Variants in MYCBP observed in about 807,000 individuals in gnomAD.
The protein encoded by MYCBP is C-Myc-binding protein.
MYCBP carries 5 observed loss-of-function variants against 16.8 expected under a neutral mutation model. The observed-to-expected ratio is 0.30, with a 90% CI of 0.16 to 0.63. The LOEUF (loss-of-function observed/expected upper bound fraction) is 0.63, where lower values mean the gene tolerates loss of function less well. Among genes scored for constraint, MYCBP ranks in the 20% least tolerant of loss-of-function variants. The probability of loss-of-function intolerance (pLI) is 0.83; values close to 1 mark genes in which losing one functional copy is unlikely to be tolerated. For missense variants in MYCBP, 103 were observed against 121.8 expected, an observed-to-expected ratio of 0.85 and a Z score of 0.73; for synonymous variants, 35 against 43.7, an observed-to-expected ratio of 0.80 and a Z score of 0.79.
At chr1:38,872,749 C>T in intron 2 of MYCBP, 1 of 503,658 alleles carries the variant, frequency 2.0e-6, no homozygotes, top group Non-Finnish European at 3.5e-6. Context: ...ACTGCGGCTG[C>T]TGGAGGCAAA....
chr1:38,871,401 A>T (rs1462513137), intron 2 of MYCBP, among the ~76,000 whole-genome samples: 1 of 150,722 alleles, frequency 6.6e-6, no homozygotes, highest in Admixed American at 6.6e-5. Context: ...ACCCTATATA[A>T]AATGACACAC....
chr1:38,871,949 T>A lies in MYCBP; in HGVS notation c.88+1069A>T, dbSNP rs552324824. On this transcript the variant is annotated intron_variant, in intron 2 of 4. Transcript: ENST00000397572. ...TTTAGACGGAATGACATTCAAAGCA[T>A]CTGTGACACTTTCAGAGACAACATA... Among the ~76,000 whole-genome samples, 8 of 152,322 alleles carry A rather than the reference T, an allele frequency of 5.3e-5. 1 individual carries two copies. The East Asian group carries it at 1.5e-3, about 29-fold the overall frequency.
intron 4 of MYCBP, among the ~76,000 whole-genome samples, chr1:38,865,757 GCACCACTGCA>G (rs1254897060): frequency 6.6e-6 from 1 of 152,104 alleles, no homozygotes; most frequent in Non-Finnish European, 1.5e-5. Flanking sequence ...AGACATGACT[GCACCACTGCA>G]CACAAGCCTG....
At chr1:38,869,655 T>G (rs1642418598) in intron 2 of MYCBP, among the ~76,000 whole-genome samples, 1 of 152,212 alleles carries the variant, frequency 6.6e-6, no homozygotes, top group African/African-American at 2.4e-5. Flanking sequence ...TCAAAATAGC[T>G]AAAATGCTTC....
intron 2 of MYCBP, 132 bp downstream of exon 2, chr1:38,872,886 G>GCC: frequency 9.5e-7 from 1 of 1,047,936 alleles, no homozygotes. Context: ...GAACCCCGAG[G>GCC]CCCACCTCGC....
intron 3 of MYCBP, among the ~76,000 whole-genome samples, chr1:38,867,289 A>G (rs565744624): frequency 6.6e-6 from 1 of 151,838 alleles, no homozygotes; most frequent in Non-Finnish European, 1.5e-5. Flanking sequence ...TACTAAAAAT[A>G]AAAAAAATTA....
chr1:38,870,956 C>G (rs1234572012), intron 2 of MYCBP, among the ~76,000 whole-genome samples: 1 of 151,190 alleles, frequency 6.6e-6, no homozygotes, highest in African/African-American at 2.4e-5. Context: ...AGGTTAAATT[C>G]TAGTGGAGGG....
rs1010348812 is a variant in MYCBP at position 38,867,743 on chromosome 1, A to T, written c.89-133T>A. 28 of 731,850 alleles carry T rather than the reference A, an allele frequency of 3.8e-5. No individual in the cohort carries two copies. In the Admixed American group the frequency reaches 6.3e-4, roughly 17 times the overall value. The allele number at this position is 731,850 out of a possible 1,614,324, so 45.3% of individuals were successfully genotyped here. A position where few individuals can be genotyped will look rare whatever the true frequency, so the allele number is the denominator to read the frequency against. ...CATTGCAAAGACTATACAATGCTGA[A>T]CAAGACAGACAAGGTCCCTGTTCTC... On this transcript the variant is annotated intron_variant, in intron 2 of 4. Transcript: ENST00000397572.
chr1:38,864,306 G>A lies in MYCBP; in HGVS notation c.*364C>T. The A allele has an allele frequency of 3.7e-6, 1 of 273,848 alleles. No homozygotes were observed. Among genetic ancestry groups the A allele is most frequent in the Non-Finnish European group, 7.1e-6 (1 of 141,218 alleles). The allele number at this position is 273,848 out of a possible 1,614,324, so 17.0% of individuals were successfully genotyped here. ...ACAGTGTCACCTTCAAAGAATGACT[G>A]TACCTGTGTTCATATCCTGAACTGC... On this transcript the variant is annotated 3_prime_UTR_variant, in exon 5 of 5. Coordinates refer to ENST00000397572, the MANE Select transcript of MYCBP (RefSeq NM_012333.5).
At chr1:38,867,403 C>T (rs1449948642) in intron 3 of MYCBP, among the ~76,000 whole-genome samples, 159 bp downstream of exon 3, 1 of 149,380 alleles carries the variant, frequency 6.7e-6, no homozygotes, top group Admixed American at 6.7e-5. Context: ...GCCAAGATTG[C>T]GCCACTGCAT....
Position 38,862,613 on chromosome 1 carries a change from C to G in MYCBP, c.*2057G>C, listed in dbSNP as rs1351110108. Among the ~76,000 whole-genome samples, 2 of 152,174 alleles carry G rather than the reference C, an allele frequency of 1.3e-5. No homozygotes were observed. Among genetic ancestry groups the G allele is most frequent in the Non-Finnish European group, 2.9e-5 (2 of 68,038 alleles). On this transcript the variant is annotated 3_prime_UTR_variant, in exon 5 of 5. Coordinates refer to ENST00000397572, the MANE Select transcript of MYCBP (RefSeq NM_012333.5). Reference sequence around the variant, plus strand: ...TAATAGGAGCTTAACTGGTGGGATCCATTTATCCATTTTCTCTTCCATGGA... The same window carrying G: ...TAATAGGAGCTTAACTGGTGGGATCGATTTATCCATTTTCTCTTCCATGGA...
At chr1:38,868,706 C>A (rs970629441) in intron 2 of MYCBP, among the ~76,000 whole-genome samples, 11 of 152,278 alleles carry the variant, frequency 7.2e-5, no homozygotes, top group Admixed American at 2.0e-4. Context: ...GAGATCAAGA[C>A]CATCCTGGCT....
intron 2 of MYCBP, 68 bp from the exon 3 acceptor site, chr1:38,867,678 AT>A: frequency 7.3e-7 from 1 of 1,375,892 alleles, no homozygotes; most frequent in Non-Finnish European, 1.0e-6. Context: ...ATTATGTTCC[AT>A]TACCCAGTAA....
At chr1:38,867,162 C>T (rs1310254262) in intron 3 of MYCBP, among the ~76,000 whole-genome samples, 153 bp from the exon 4 acceptor site, 1 of 152,104 alleles carries the variant, frequency 6.6e-6, no homozygotes, top group Non-Finnish European at 1.5e-5. Flanking sequence ...AACTAACTTT[C>T]TTGGCCAGGT....
rs748079846 is a variant in MYCBP at position 38,866,930 on chromosome 1, T to C, written c.217A>G (p.Lys73Glu). The change falls in exon 4 of 5, where the codon AAA becomes GAA. Residue 73 changes from lysine (K) to glutamate (E), a missense_variant. Transcript: ENST00000397572. ...TCTACAATAGCTTCATACTTCTCTT[T>C]CATTTCGGCCAGTTCTAGGCGAAGC... is the stretch of plus-strand genomic sequence containing the variant. The part of the protein sequence containing the change: ...ELLRLELAEM[K>E]EKYEAIVEEN... The C allele has an allele frequency of 6.3e-7, 1 of 1,592,556 alleles. No individual in the cohort carries two copies. Among genetic ancestry groups the C allele is most frequent in the Non-Finnish European group, 8.5e-7 (1 of 1,171,736 alleles).
At chr1:38,869,720 T>C (rs976602544) in intron 2 of MYCBP, among the ~76,000 whole-genome samples, 2 of 152,214 alleles carry the variant, frequency 1.3e-5, no homozygotes, top group East Asian at 1.9e-4. Context: ...TTTAATGTTA[T>C]AAACTATTTC....
intron 4 of MYCBP, among the ~76,000 whole-genome samples, chr1:38,866,044 C>CTTT (rs71057153): frequency 0.087 from 5,690 of 65,412 alleles, 619 homozygotes; most frequent in Middle Eastern, 0.26. Flanking sequence ...CTAAGAACCT[C>CTTT]TTTTTTTTTT....
At chr1:38,865,138 G>A (rs1295975516) in intron 4 of MYCBP, among the ~76,000 whole-genome samples, 1 of 152,186 alleles carries the variant, frequency 6.6e-6, no homozygotes, top group Non-Finnish European at 1.5e-5. Context: ...TAATGTCTTT[G>A]AGTTAAAAGG....
At chr1:38,866,782 AC>A (rs1249124779) in intron 4 of MYCBP, 97 bp downstream of exon 4, 8 of 998,266 alleles carry the variant, frequency 8.0e-6, no homozygotes, top group East Asian at 2.7e-5. Context: ...ATTGATATTC[AC>A]CCACCTCCCT....
Sources: allele counts gnomAD v4.1 joint callset (sites outside exome capture counted in the v4.1 genomes callset), GRCh38; gene constraint gnomAD v4.1.1; transcripts MANE v1.5; gene names NCBI Gene and HGNC (gene_info 2026-07-23, HGNC 2026-07-21).